Variants in EP400 observed in about 807,000 individuals in gnomAD.
The protein encoded by EP400 is E1A binding protein p400.
EP400 carries 105 observed loss-of-function variants against 354.1 expected under a neutral mutation model. The observed-to-expected ratio is 0.30, with a 90% CI of 0.25 to 0.35. EP400 has a LOEUF of 0.35. Ranked by LOEUF, EP400 falls within the 10% of genes least tolerant of loss-of-function variation. The pLI is 1.00. For synonymous variants in EP400, 1,646 were observed against 1,716.9 expected (o/e 0.96, Z 1.02); for missense variants, 3,280 against 4,121.0 (o/e 0.80, Z 5.59).
Position 132,021,136 on chromosome 12 carries a change from C to T in EP400, c.4505C>T (p.Pro1502Leu), listed in dbSNP as rs775332081. The T allele has an allele frequency of 6.2e-7, 1 of 1,600,424 alleles. No individual in the cohort carries two copies. The highest frequency in any genetic ancestry group is 8.5e-7 in the Non-Finnish European group (1 of 1,179,808). Reference sequence around the variant, plus strand: ...TCCGCCAGTGCTCCACGACACCAGCCCGCCTCGGCCTCCAGCACAGCCGCT... The same window carrying T: ...TCCGCCAGTGCTCCACGACACCAGCTCGCCTCGGCCTCCAGCACAGCCGCT... ...QASASAPRHQ[P>L]ASASSTAASP... Residue 1502 changes from proline to leucine, a missense_variant, in exon 23 of 53, where the codon CCC becomes CTC. Pro to Leu is a moderately conservative substitution (Grantham distance 98). Transcript: ENST00000389561.
In EP400 at chr12:131,950,001, T is replaced by C. The variant is rs1891402346; in HGVS notation, c.-71T>C. On this transcript the variant is annotated 5_prime_UTR_variant, in exon 1 of 53. Coordinates refer to ENST00000389561, the MANE Select transcript of EP400 (RefSeq NM_015409.5). ...CGGCGCGGCTTCCATCCTCCCGCCCTCCTGACGCGGCCGGAGCGCAGCCCT... is the reference window on the plus strand; with the variant it reads ...CGGCGCGGCTTCCATCCTCCCGCCCCCCTGACGCGGCCGGAGCGCAGCCCT... 1 of 151,614 alleles carries C rather than the reference T, an allele frequency of 6.6e-6. No homozygotes were observed. Among genetic ancestry groups the C allele is most frequent in the South Asian group, 2.1e-4 (1 of 4,824 alleles). The allele number at this position is 151,614 out of a possible 1,614,324, so 9.4% of individuals were successfully genotyped here.
At position 131,972,675 on chromosome 12, in the gene EP400, CTGTTAGAGAA is replaced by C. The variant is rs1301176741; in HGVS notation, c.1336-7018_1336-7009del. Among the ~76,000 whole-genome samples the C allele has an allele frequency of 9.0e-3, 1,364 of 150,890 alleles. 17 individuals carry two copies. Among genetic ancestry groups the C allele is most frequent in the African/African-American group, 0.031 (1,281 of 40,988 alleles). ...TAAGCAGAAATTTTTCATCATTTTC[CTGTTAGAGAA>C]AATGAATAATTCGCCATAATTTTAT... On this transcript the variant is annotated intron_variant, in intron 2 of 52. Transcript: ENST00000389561.
chr12:132,076,153 C>T, intron 51 of EP400: 2 of 375,776 alleles, frequency 5.3e-6, no homozygotes, highest in Non-Finnish European at 1.0e-5. Flanking sequence ...GTCGTCCAGG[C>T]CTGTCATATG....
chr12:132,031,009 G>A (rs1236075706), intron 29 of EP400, among the ~76,000 whole-genome samples: 2 of 152,218 alleles, frequency 1.3e-5, no homozygotes, highest in Non-Finnish European at 2.9e-5. Context: ...CGCTGGAGAG[G>A]CCTAGAAAGA....
chr12:132,060,253 G>C (rs1354519911), intron 45 of EP400, among the ~76,000 whole-genome samples: 1 of 152,100 alleles, frequency 6.6e-6, no homozygotes, highest in East Asian at 1.9e-4. Context: ...CACACAACAT[G>C]GGATGACAAG....
At position 132,037,974 on chromosome 12, in the gene EP400, G is replaced by C; in HGVS notation, c.6085G>C (p.Glu2029Gln). The C allele has an allele frequency of 1.9e-6, 3 of 1,614,244 alleles. No individual in the cohort carries two copies. Among genetic ancestry groups the C allele is most frequent in the Non-Finnish European group, 2.5e-6 (3 of 1,180,040 alleles). The change falls in exon 32 of 53, where the codon GAA becomes CAA. Residue 2029 changes from glutamate (E) to glutamine (Q), a missense_variant. This residue lies in a region of EP400 where 60 missense variants were observed against 109.9 expected (regional missense o/e 0.55). Coordinates refer to ENST00000389561, the MANE Select transcript of EP400 (RefSeq NM_015409.5). ...TCAGCGAACCATCCAGGAGCTGTTT[G>C]AAGTTTATTCTCCCATGGATGATGC... is the stretch of plus-strand genomic sequence containing the variant. ...LTQRTIQELFEVYSPMDDAGF... is the reference protein window; with the variant it reads ...LTQRTIQELFQVYSPMDDAGF...
At position 131,990,889 on chromosome 12, in the gene EP400, CT is replaced by C. The variant is rs1293361700; in HGVS notation, c.2629+179del. On this transcript the variant is annotated intron_variant, in intron 9 of 52. Transcript: ENST00000389561. This position sits in a 1 kb window ranked among gnomAD's most constrained non-coding sequence, Gnocchi z 4.2. ...GCCATCCTAGTTTTATGCTTCAGTG[CT>C]TTTGAGATGTGCTAGTGTGAGTCAG... Among the ~76,000 whole-genome samples, 2 of 152,114 alleles carry C rather than the reference CT, an allele frequency of 1.3e-5. No individual in the cohort carries two copies. The highest frequency in any genetic ancestry group is 3.9e-4 in the East Asian group (2 of 5,182).
At chr12:132,065,145 A>G in intron 48 of EP400, 2 of 633,524 alleles carry the variant, frequency 3.2e-6, no homozygotes, top group South Asian at 2.1e-5. Flanking sequence ...AGAGTGAGCG[A>G]GGTGAGATGC....
Position 132,025,740 on chromosome 12 carries a change from G to A in EP400, c.4950G>A (p.Val1650=), listed in dbSNP as rs1403533650. ...VMQTVSQAGA[V]HGALGSKPPA... The stretch of plus-strand genomic sequence containing the variant: ...AGACCGTGTCTCAGGCGGGCGCTGT[G>A]CACGGCGCCCTGGGAAGCAAGCCCC... Residue 1650 remains valine, a synonymous_variant, in exon 25 of 53, where the codon GTG becomes GTA. Transcript: ENST00000389561. This position sits in a 1 kb window ranked among gnomAD's most constrained non-coding sequence, Gnocchi z 4.1. The A allele has an allele frequency of 3.1e-6, 5 of 1,612,536 alleles. No homozygotes were observed. The highest frequency in any genetic ancestry group is 2.2e-5 in the East Asian group (1 of 44,840).
chr12:132,059,797 C>T (rs1188484377), intron 45 of EP400, among the ~76,000 whole-genome samples: 2 of 151,724 alleles, frequency 1.3e-5, no homozygotes, highest in African/African-American at 2.4e-5. Context: ...GGGCGGATCA[C>T]GAGGTCAGGA....
chr12:132,019,492 C>T (rs1894052967), intron 21 of EP400, among the ~76,000 whole-genome samples: 1 of 151,982 alleles, frequency 6.6e-6, no homozygotes, highest in Non-Finnish European at 1.5e-5. Flanking sequence ...TTGCTTGAGC[C>T]CAGGAGTTGG....
At chr12:131,985,095 A>G (rs1310734244) in intron 5 of EP400, among the ~76,000 whole-genome samples, 1 of 152,100 alleles carries the variant, frequency 6.6e-6, no homozygotes, top group Non-Finnish European at 1.5e-5. Context: ...ACCTCAACTA[A>G]TCCACCCACC....
chr12:131,962,265 C>T (rs1157936579), intron 2 of EP400, among the ~76,000 whole-genome samples: 2 of 152,154 alleles, frequency 1.3e-5, no homozygotes, highest in African/African-American at 2.4e-5. Flanking sequence ...ACTCAGCAAG[C>T]GTGTCCAGTT....
chr12:132,046,880 G>A (rs905864554), intron 39 of EP400, among the ~76,000 whole-genome samples: 8 of 152,348 alleles, frequency 5.3e-5, no homozygotes, highest in South Asian at 2.1e-4. Context: ...TCCAGGGCAC[G>A]TGCCATGCTG....
At chr12:131,971,541 T>G (rs1468944962) in intron 2 of EP400, among the ~76,000 whole-genome samples, 3 of 152,184 alleles carry the variant, frequency 2.0e-5, no homozygotes, top group Non-Finnish European at 4.4e-5. Flanking sequence ...ATTTTTAATT[T>G]TTTGAGGAAC....
At chr12:132,012,488 G>A (rs1469682065) in intron 16 of EP400, among the ~76,000 whole-genome samples, 1 of 152,198 alleles carries the variant, frequency 6.6e-6, no homozygotes, top group African/African-American at 2.4e-5. Context: ...TACTGCACAA[G>A]TTCATCCTTG....
chr12:132,055,951 C>T (rs1052470699), intron 45 of EP400, among the ~76,000 whole-genome samples: 3 of 151,642 alleles, frequency 2.0e-5, no homozygotes, highest in African/African-American at 4.9e-5. Context: ...CGGCATCACA[C>T]GAGGGCATGG....
intron 2 of EP400, among the ~76,000 whole-genome samples, chr12:131,974,929 G>A (rs1892417759): frequency 7.1e-6 from 1 of 140,308 alleles, no homozygotes; most frequent in Admixed American, 7.7e-5. Flanking sequence ...GGCAGAGGTT[G>A]CATTGAGCAG....
chr12:132,060,649 G>A (rs1593381849), intron 45 of EP400, among the ~76,000 whole-genome samples: 1 of 152,104 alleles, frequency 6.6e-6, no homozygotes, highest in African/African-American at 2.4e-5. Context: ...CGGGTGTGGT[G>A]GCCCACACCT....
Sources: gnomAD v4.1 joint callset for allele counts (sites outside exome capture counted in the v4.1 genomes callset) on GRCh38, gnomAD v4.1.1 for gene constraint, gnomAD v4.1.1 regional missense constraint, Gnocchi (gnomAD v3.1) non-coding constraint, MANE v1.5 for transcripts, NCBI Gene and HGNC (gene_info 2026-07-23, HGNC 2026-07-21) for gene names.